Variants in ZC3H12B observed in about 807,000 individuals in gnomAD.
The protein encoded by ZC3H12B is zinc finger CCCH-type containing 12B.
A neutral mutation model predicts 43.9 loss-of-function variants in ZC3H12B; 7 were observed. The observed-to-expected ratio is 0.16, with a 90% CI of 0.09 to 0.30. ZC3H12B has a LOEUF of 0.30. ZC3H12B is among the 10% of genes least tolerant of loss of function. The pLI is 1.00. For synonymous variants in ZC3H12B, 222 were observed against 241.7 expected, an observed-to-expected ratio of 0.92 and a Z score of 0.76; for missense variants, 475 against 670.2, an observed-to-expected ratio of 0.71 and a Z score of 3.22.
the ZC3H12B span, among the ~76,000 whole-genome samples, chrX:65,309,788 A>G: frequency 3.4e-4 from 38 of 112,146 alleles, no homozygotes; most frequent in South Asian, 0.011. Context: ...TCAGGTCAAA[A>G]ACATTATCCA....
chrX:65,047,132 G>T, the ZC3H12B span, among the ~76,000 whole-genome samples: 12 of 111,383 alleles, frequency 1.1e-4, no homozygotes, highest in Non-Finnish European at 2.1e-4. Context: ...GTGAGCACAT[G>T]CTTTTGTAAA....
intron 3 of ZC3H12B, among the ~76,000 whole-genome samples, chrX:65,406,630 G>A (rs1285104071): frequency 1.2e-4 from 12 of 102,181 alleles, no homozygotes; most frequent in Admixed American, 1.0e-4. Context: ...GACTGGGCGG[G>A]GCCGGGCGGG....
chrX:65,360,049 A>G, the ZC3H12B span, among the ~76,000 whole-genome samples: 2 of 112,319 alleles, frequency 1.8e-5, no homozygotes, highest in Non-Finnish European at 3.8e-5. Context: ...AACTCACTGA[A>G]GGTTCAGATG....
chrX:65,292,961 G>A, the ZC3H12B span, among the ~76,000 whole-genome samples: 2 of 112,100 alleles, frequency 1.8e-5, no homozygotes, highest in African/African-American at 3.2e-5. Context: ...TCAAGCATGG[G>A]CAACAGAGCA....
At chrX:65,298,414 C>T in the ZC3H12B span, among the ~76,000 whole-genome samples, 6 of 112,026 alleles carry the variant, frequency 5.4e-5, no homozygotes, top group South Asian at 1.5e-3. Flanking sequence ...GAGGGAAATT[C>T]ATAGCATTGA....
chrX:65,142,947 T>G, the ZC3H12B span, among the ~76,000 whole-genome samples: 13 of 112,150 alleles, frequency 1.2e-4, no homozygotes, highest in Admixed American at 1.1e-3. Flanking sequence ...CCTCCAGATT[T>G]TTTCTTTTTT....
At position 65,453,242 on chromosome X, in the gene ZC3H12B, C is replaced by A. The variant is rs367724274; in HGVS notation, n.408-35404C>A. Reference sequence around the variant, plus strand: ...ACCATTTGATCCAGCAATCCCACTACTCTATATGTATCCAGAGGAAAAGAA... The same window carrying A: ...ACCATTTGATCCAGCAATCCCACTAATCTATATGTATCCAGAGGAAAAGAA... On this transcript the variant is annotated intron_variant and non_coding_transcript_variant, in intron 3 of 5. Transcript: ENST00000617377. 6.7e-5 allele frequency among the ~76,000 whole-genome samples: 7 copies of A among 105,050 alleles called. No individual in the cohort carries two copies. In the East Asian group the frequency reaches 2.1e-3, roughly 32 times the overall value. 91.2% of individuals were successfully genotyped at this position (105,050 alleles called of 115,157 possible). A position where few individuals can be genotyped will look rare whatever the true frequency, so the allele number is the denominator to read the frequency against.
At chrX:65,476,664 G>A (rs753505966) in intron 3 of ZC3H12B, among the ~76,000 whole-genome samples, 201 of 110,984 alleles carry the variant, frequency 1.8e-3, no homozygotes, top group African/African-American at 6.2e-3. Flanking sequence ...GGTGCTGGTG[G>A]GTGTGTGATT....
chrX:65,409,770 G>T (rs1328170292), intron 3 of ZC3H12B, among the ~76,000 whole-genome samples: 3 of 111,067 alleles, frequency 2.7e-5, no homozygotes, highest in African/African-American at 9.8e-5. Context: ...AGAAGCAAAA[G>T]ATTTCTCAAA....
rs372292359 is a variant in ZC3H12B at position 65,453,525 on chromosome X, G to A, written n.408-35121G>A. ...CACCTGAGATCAGGAGTTCAAGATC[G>A]GCCTAGTCAACATGGTGAAACACTT... On this transcript the variant is annotated intron_variant and non_coding_transcript_variant, in intron 3 of 5. Coordinates refer to the ZC3H12B transcript ENST00000617377. Among the ~76,000 whole-genome samples the A allele has an allele frequency of 1.2e-4, 13 of 104,707 alleles. 1 individual carries two copies. Among genetic ancestry groups the A allele is most frequent in the East Asian group, 6.1e-4 (2 of 3,281 alleles). 90.9% of individuals were successfully genotyped at this position (104,707 alleles called of 115,157 possible). A position where few individuals can be genotyped will look rare whatever the true frequency, so the allele number is the denominator to read the frequency against.
In ZC3H12B at chrX:65,407,389, T is replaced by G. The variant is rs182752378; in HGVS notation, n.407+8685T>G. On this transcript the variant is annotated intron_variant and non_coding_transcript_variant, in intron 3 of 5. Transcript: ENST00000617377. The stretch of plus-strand genomic sequence containing the variant: ...TCGCACGGGGCGTGCCGAGCCGCCT[T>G]CCGGCGCGCCCTCCGCACTTTCCCC... Among the ~76,000 whole-genome samples, 10 of 111,416 alleles carry G rather than the reference T, an allele frequency of 9.0e-5. No homozygotes were observed. The South Asian group carries it at 3.0e-3, about 33-fold the overall frequency.
chrX:65,068,841 G>T, the ZC3H12B span, among the ~76,000 whole-genome samples: 1 of 110,555 alleles, frequency 9.0e-6, no homozygotes, highest in Admixed American at 9.6e-5. Context: ...TTGTTTTTCT[G>T]GGAAAGTCTT....
chrX:65,447,464 A>G (rs942995899), intron 3 of ZC3H12B, among the ~76,000 whole-genome samples: 5 of 112,137 alleles, frequency 4.5e-5, no homozygotes, highest in African/African-American at 1.6e-4. Flanking sequence ...ACTTAAATCT[A>G]AGATCTGAAA....
chrX:65,288,466 T>C, the ZC3H12B span, among the ~76,000 whole-genome samples: 1 of 112,333 alleles, frequency 8.9e-6, no homozygotes, highest in African/African-American at 3.2e-5. Context: ...CAAAATCAGA[T>C]TGGATTTATG....
the ZC3H12B span, among the ~76,000 whole-genome samples, chrX:65,154,524 C>T: frequency 9.0e-6 from 1 of 111,722 alleles, no homozygotes; most frequent in Non-Finnish European, 1.9e-5. Context: ...TCTATAATAA[C>T]AGTTTTGTTT....
the ZC3H12B span, among the ~76,000 whole-genome samples, chrX:65,325,088 C>A: frequency 9.0e-6 from 1 of 110,526 alleles, no homozygotes; most frequent in Admixed American, 9.7e-5. Context: ...TTTATTTTAT[C>A]TTATATAAAT....
At chrX:65,436,527 G>A (rs1366482589) in intron 3 of ZC3H12B, among the ~76,000 whole-genome samples, 1 of 112,079 alleles carries the variant, frequency 8.9e-6, no homozygotes, top group African/African-American at 3.2e-5. Context: ...CACCCTTACA[G>A]CTACAACCAG....
chrX:65,173,946 T>C, the ZC3H12B span, among the ~76,000 whole-genome samples: 13 of 111,469 alleles, frequency 1.2e-4, no homozygotes, highest in African/African-American at 3.6e-4. Flanking sequence ...TTTTTTTTGA[T>C]GTTGATGTTA....
the ZC3H12B span, among the ~76,000 whole-genome samples, chrX:65,212,188 T>TATATAATATATAATATTATATAA: frequency 3.1e-5 from 1 of 32,626 alleles, no homozygotes; most frequent in African/African-American, 9.7e-5. Flanking sequence ...ATATTATATA[T>TATATAATATATAATATTATATAA]TATATAATAT....
Sources: gnomAD v4.1 joint callset for allele counts (sites outside exome capture counted in the v4.1 genomes callset) on GRCh38, gnomAD v4.1.1 for gene constraint, MANE v1.5 for transcripts, NCBI Gene and HGNC (gene_info 2026-07-23, HGNC 2026-07-21) for gene names.